ATRNL1: variants seen among roughly 807,000 people sequenced by gnomAD.
The protein encoded by ATRNL1 is attractin like 1.
ATRNL1 carries 95 observed loss-of-function variants against 182.7 expected under a neutral mutation model. That is an observed-to-expected ratio of 0.52 (90% CI 0.44 to 0.62). The LOEUF is 0.62. Among genes scored for constraint, ATRNL1 ranks in the 20% least tolerant of loss-of-function variants. ATRNL1 has a pLI of 0.00. For synonymous variants in ATRNL1, 576 were observed against 568.3 expected (o/e 1.01, Z -0.19); for missense variants, 1,471 against 1,679.5 (o/e 0.88, Z 2.17).
chr10:115,316,656 ATGATCAG>A (rs1854316315), intron 18 of ATRNL1, among the ~76,000 whole-genome samples: 1 of 152,128 alleles, frequency 6.6e-6, no homozygotes, highest in Non-Finnish European at 1.5e-5. Context: ...CATTTCTCTA[ATGATCAG>A]TGATGTTGAG....
At chr10:115,734,367 A>G (rs909283500) in intron 27 of ATRNL1, among the ~76,000 whole-genome samples, 32 of 152,262 alleles carry the variant, frequency 2.1e-4, no homozygotes, top group African/African-American at 7.0e-4. Context: ...ATTTGATACA[A>G]TAAATGTTAC....
At chr10:115,178,021 T>G (rs1024337953) in intron 8 of ATRNL1, among the ~76,000 whole-genome samples, 2 of 149,792 alleles carry the variant, frequency 1.3e-5, no homozygotes, top group Non-Finnish European at 3.0e-5. Flanking sequence ...TGGGTTCAAG[T>G]GATCCTCCCA....
chr10:115,706,247 A>C (rs1555053013), intron 26 of ATRNL1, among the ~76,000 whole-genome samples: 1 of 151,824 alleles, frequency 6.6e-6, no homozygotes, highest in Admixed American at 6.6e-5. Flanking sequence ...GGCCCTTGTC[A>C]AAACCAGTAC....
chr10:115,665,969 T>G (rs1168599983), intron 26 of ATRNL1, among the ~76,000 whole-genome samples: 1 of 152,170 alleles, frequency 6.6e-6, no homozygotes. Context: ...AGTTTTGGTT[T>G]TGTTTCTTTG....
intron 5 of ATRNL1, among the ~76,000 whole-genome samples, chr10:115,133,530 G>A (rs1446291629): frequency 2.6e-5 from 4 of 152,070 alleles, no homozygotes; most frequent in South Asian, 2.1e-4. Flanking sequence ...CAATACAGGA[G>A]CACCCAGATT....
intron 26 of ATRNL1, among the ~76,000 whole-genome samples, chr10:115,656,405 C>A (rs1476225776): frequency 6.6e-6 from 1 of 152,192 alleles, no homozygotes; most frequent in Admixed American, 6.5e-5. Flanking sequence ...GTATGGGATT[C>A]TCTGGCTACT....
intron 10 of ATRNL1, among the ~76,000 whole-genome samples, chr10:115,242,765 G>A (rs1187408292): frequency 6.6e-6 from 1 of 151,950 alleles, no homozygotes; most frequent in African/African-American, 2.4e-5. Flanking sequence ...AGTTAAGCAT[G>A]GTTTTTAAAT....
chr10:115,528,741 C>CT (rs1414115477), intron 25 of ATRNL1, among the ~76,000 whole-genome samples: 4 of 151,908 alleles, frequency 2.6e-5, no homozygotes, highest in Admixed American at 6.6e-5. Flanking sequence ...GATCTTTCTT[C>CT]TTTTTTAGTA....
intron 27 of ATRNL1, among the ~76,000 whole-genome samples, chr10:115,803,895 G>A (rs1010378808): frequency 3.3e-5 from 5 of 152,056 alleles, no homozygotes; most frequent in South Asian, 2.1e-4. Context: ...TGGCCAATAC[G>A]CATAAAGATG....
At chr10:115,642,136 A>G (rs1469027944) in intron 26 of ATRNL1, among the ~76,000 whole-genome samples, 3 of 152,170 alleles carry the variant, frequency 2.0e-5, no homozygotes, top group African/African-American at 7.2e-5. Flanking sequence ...TTCAGACTCA[A>G]TGGTGTTAGC....
At chr10:115,750,819 G>C (rs1163819357) in intron 27 of ATRNL1, among the ~76,000 whole-genome samples, 3 of 151,966 alleles carry the variant, frequency 2.0e-5, no homozygotes, top group African/African-American at 7.2e-5. Context: ...AAGATAGTTT[G>C]CATAACATAA....
At chr10:115,462,110 C>T in intron 22 of ATRNL1, 75 bp downstream of exon 22, 1 of 1,047,230 alleles carries the variant, frequency 9.5e-7, no homozygotes, top group South Asian at 1.6e-5. Context: ...TTGATTTTAC[C>T]TCTTCTCAGA....
chr10:115,696,858 C>T (rs1334882184), intron 26 of ATRNL1, among the ~76,000 whole-genome samples: 1 of 147,286 alleles, frequency 6.8e-6, no homozygotes, highest in East Asian at 2.0e-4. Context: ...GTACAGTCAT[C>T]ACATATCAGA....
At chr10:115,743,312 C>T (rs1233492821) in intron 27 of ATRNL1, among the ~76,000 whole-genome samples, 1 of 151,338 alleles carries the variant, frequency 6.6e-6, no homozygotes, top group Non-Finnish European at 1.5e-5. Context: ...ACTACCATTC[C>T]TATCCAGCCA....
At position 115,816,686 on chromosome 10, in the gene ATRNL1, A is replaced by G. The variant is rs185328453; in HGVS notation, c.3904-31191A>G. Among the ~76,000 whole-genome samples, 471 of 152,194 alleles carry G rather than the reference A, an allele frequency of 3.1e-3. 1 individual carries two copies. The highest frequency in any genetic ancestry group is 3.2e-3 in the Non-Finnish European group (220 of 67,996). On this transcript the variant is annotated intron_variant, in intron 27 of 28. Coordinates refer to ENST00000355044, the MANE Select transcript of ATRNL1 (RefSeq NM_207303.4). ...ACCTGTTAAGTTTCAGTCCTCTACT[A>G]CGCACTTTAACTATTTTCCTATTTT...
chr10:115,393,159 C>A (rs891005539), intron 19 of ATRNL1, among the ~76,000 whole-genome samples: 2 of 152,112 alleles, frequency 1.3e-5, no homozygotes, highest in African/African-American at 2.4e-5. Flanking sequence ...TAATCCCCAT[C>A]CAATCTTTCC....
chr10:115,641,208 T>C (rs1859224894), intron 26 of ATRNL1, among the ~76,000 whole-genome samples: 1 of 152,240 alleles, frequency 6.6e-6, no homozygotes, highest in Non-Finnish European at 1.5e-5. Flanking sequence ...TTATTGCAGA[T>C]AGTTGTAACA....
chr10:115,122,451 A>G (rs1844782683), intron 3 of ATRNL1, among the ~76,000 whole-genome samples: 1 of 151,906 alleles, frequency 6.6e-6, no homozygotes, highest in Non-Finnish European at 1.5e-5. Flanking sequence ...AATTATGAAC[A>G]TGTATAGATT....
At chr10:115,143,722 G>A (rs1845846210) in intron 5 of ATRNL1, among the ~76,000 whole-genome samples, 1 of 152,048 alleles carries the variant, frequency 6.6e-6, no homozygotes, top group South Asian at 2.1e-4. Context: ...GCAAGAGAGA[G>A]CCAGAGAGAG....
Sources: allele counts gnomAD v4.1 joint callset (sites outside exome capture counted in the v4.1 genomes callset), GRCh38; gene constraint gnomAD v4.1.1; transcripts MANE v1.5; gene names NCBI Gene and HGNC (gene_info 2026-07-23, HGNC 2026-07-21).